Variants in PDE4D observed in about 807,000 individuals in gnomAD.
PDE4D encodes the protein 3',5'-cyclic-AMP phosphodiesterase 4D.
A neutral mutation model predicts 87.4 loss-of-function variants in PDE4D; 24 were observed. The ratio of observed to expected loss-of-function variants is 0.27; its 90% CI spans 0.20 to 0.39. The LOEUF (loss-of-function observed/expected upper bound fraction) is 0.39, where lower values mean the gene tolerates loss of function less well. PDE4D is among the 10% of genes least tolerant of loss of function. The probability of loss-of-function intolerance (pLI) is 1.00; values close to 1 mark genes in which losing one functional copy is unlikely to be tolerated. For synonymous variants in PDE4D, 384 were observed against 383.2 expected (o/e 1.00, Z -0.02); for missense variants, 714 against 1,041.0 (o/e 0.69, Z 4.32).
intron 1 of PDE4D, among the ~76,000 whole-genome samples, chr5:59,315,702 T>G (rs770132965): frequency 9.2e-5 from 14 of 152,096 alleles, no homozygotes; most frequent in Non-Finnish European, 2.1e-4. Flanking sequence ...GCATGCACAG[T>G]AAGGGGCAAA....
chr5:59,452,828 C>T (rs946073325), intron 1 of PDE4D, among the ~76,000 whole-genome samples: 12 of 152,288 alleles, frequency 7.9e-5, no homozygotes, highest in South Asian at 2.1e-4. Context: ...TTCTTCCAGT[C>T]CAAACTGTAA....
chr5:59,924,237 A>G (rs2152781001), intron 3 of PDE4D, among the ~76,000 whole-genome samples: 1 of 152,332 alleles, frequency 6.6e-6, no homozygotes, highest in South Asian at 2.1e-4. Flanking sequence ...GATCTAGAAA[A>G]TAGCCTCTGA....
chr5:59,973,760 T>G (rs189971278), intron 3 of PDE4D, among the ~76,000 whole-genome samples: 2 of 152,280 alleles, frequency 1.3e-5, no homozygotes, highest in Admixed American at 6.5e-5. Context: ...AACCCTTTGC[T>G]AAGGCACTGT....
chr5:60,197,261 A>G (rs557533171), intron 1 of PDE4D, among the ~76,000 whole-genome samples: 41 of 151,702 alleles, frequency 2.7e-4, no homozygotes, highest in Non-Finnish European at 4.6e-4. Context: ...TATAGAACCA[A>G]AATTATTATC....
chr5:59,032,912 T>G (rs1286377699), intron 6 of PDE4D, among the ~76,000 whole-genome samples: 1 of 152,176 alleles, frequency 6.6e-6, no homozygotes, highest in Non-Finnish European at 1.5e-5. Flanking sequence ...CCCAAAATAT[T>G]AGATAGGAAA....
intron 1 of PDE4D, among the ~76,000 whole-genome samples, chr5:59,844,261 G>A (rs1743496037): frequency 6.6e-6 from 1 of 151,964 alleles, no homozygotes; most frequent in South Asian, 2.1e-4. Context: ...TAAGAAAAGG[G>A]ACAAAGAATC....
chr5:59,475,122 A>G (rs1374316521), intron 1 of PDE4D, among the ~76,000 whole-genome samples: 1 of 152,084 alleles, frequency 6.6e-6, no homozygotes, highest in Non-Finnish European at 1.5e-5. Context: ...TAACTGTAAT[A>G]AGGACCATAC....
At chr5:60,426,612 A>G (rs1013624157) in intron 1 of PDE4D, among the ~76,000 whole-genome samples, 2 of 152,146 alleles carry the variant, frequency 1.3e-5, no homozygotes, top group Non-Finnish European at 1.5e-5. Flanking sequence ...GCAAACCAAC[A>G]TGGCACATGT....
chr5:59,458,203 T>C (rs917242134), intron 1 of PDE4D, among the ~76,000 whole-genome samples: 1 of 152,262 alleles, frequency 6.6e-6, no homozygotes, highest in African/African-American at 2.4e-5. Flanking sequence ...ATTAAACATG[T>C]AATAAATTTG....
At chr5:60,348,616 G>T (rs987700784) in intron 1 of PDE4D, among the ~76,000 whole-genome samples, 1 of 152,070 alleles carries the variant, frequency 6.6e-6, no homozygotes, top group African/African-American at 2.4e-5. Flanking sequence ...ATAATGTGAA[G>T]TCCAACTGCT....
intron 1 of PDE4D, among the ~76,000 whole-genome samples, chr5:59,384,474 C>T (rs1337400246): frequency 2.0e-5 from 3 of 152,034 alleles, no homozygotes; most frequent in African/African-American, 7.2e-5. Context: ...GTTTCTGTAC[C>T]AGAGTGAGGA....
At chr5:59,308,766 G>A (rs1159985998) in intron 1 of PDE4D, among the ~76,000 whole-genome samples, 2 of 151,986 alleles carry the variant, frequency 1.3e-5, no homozygotes, top group East Asian at 1.9e-4. Flanking sequence ...GCCTTCCAGA[G>A]AGCATCAGCT....
chr5:60,359,282 C>A (rs867319599), intron 1 of PDE4D, among the ~76,000 whole-genome samples: 5 of 152,144 alleles, frequency 3.3e-5, no homozygotes, highest in African/African-American at 1.2e-4. Flanking sequence ...GTGGCACAAG[C>A]CTGTGATCCC....
chr5:60,108,459 C>T (rs1777291227), intron 2 of PDE4D, among the ~76,000 whole-genome samples: 1 of 152,136 alleles, frequency 6.6e-6, no homozygotes, highest in Admixed American at 6.6e-5. Context: ...GATTCAATGC[C>T]ATCCCCATCA....
chr5:60,455,532 G>T lies in PDE4D; in HGVS notation c.-90+32410C>A, dbSNP rs1561276533. Among the ~76,000 whole-genome samples, 4 of 152,210 alleles carry T rather than the reference G, an allele frequency of 2.6e-5. No homozygotes were observed. In the East Asian group the frequency reaches 7.7e-4, roughly 29 times the overall value. ...TGCCTAGACTCTGAACAAGCAACAA[G>T]TACAAACTACAGTAAAAAGTTAAAT... On this transcript the variant is annotated intron_variant, in intron 1 of 16. Transcript: ENST00000502484.
chr5:59,035,067 T>C (rs1433638440), intron 6 of PDE4D, among the ~76,000 whole-genome samples: 9 of 152,248 alleles, frequency 5.9e-5, no homozygotes, highest in Non-Finnish European at 1.2e-4. Flanking sequence ...GCCGCTGTCC[T>C]GCTCTCCTCT....
At chr5:60,315,474 G>C (rs1318099431) in intron 1 of PDE4D, among the ~76,000 whole-genome samples, 2 of 152,140 alleles carry the variant, frequency 1.3e-5, no homozygotes, top group African/African-American at 4.8e-5. Context: ...TTGCTGTGCA[G>C]AAGCTCTTTA....
At chr5:59,951,844 C>T (rs1458476463) in intron 3 of PDE4D, among the ~76,000 whole-genome samples, 1 of 152,102 alleles carries the variant, frequency 6.6e-6, no homozygotes, top group Admixed American at 6.6e-5. Flanking sequence ...AACAATTTTA[C>T]CTCACATTCC....
intron 2 of PDE4D, among the ~76,000 whole-genome samples, chr5:60,027,804 G>A (rs886215177): frequency 3.3e-5 from 5 of 152,230 alleles, no homozygotes; most frequent in African/African-American, 9.6e-5. Flanking sequence ...ACATCATGCA[G>A]TGGAATAAAG....
Sources: allele counts gnomAD v4.1 joint callset (sites outside exome capture counted in the v4.1 genomes callset), GRCh38; gene constraint gnomAD v4.1.1; transcripts MANE v1.5; gene names NCBI Gene and HGNC (gene_info 2026-07-23, HGNC 2026-07-21).